Variants in SLMAP observed in about 807,000 individuals in gnomAD.
SLMAP encodes the protein sarcolemma associated protein, also known as sarcolemmal membrane-associated protein.
Under a neutral mutation model 128.8 loss-of-function variants are expected in SLMAP, and 44 were observed. The observed-to-expected ratio is 0.34, with a 90% CI of 0.27 to 0.44. The LOEUF (loss-of-function observed/expected upper bound fraction) is 0.44, where lower values mean the gene tolerates loss of function less well. Ranked by LOEUF, SLMAP falls within the 20% of genes least tolerant of loss-of-function variation. SLMAP has a pLI of 1.00. For missense variants in SLMAP, 787 were observed against 985.3 expected (o/e 0.80, Z 2.69); for synonymous variants, 327 against 348.8 (o/e 0.94, Z 0.70).
intron 2 of SLMAP, chr3:57,800,993 C>T (rs749398325): frequency 7.0e-6 from 2 of 285,816 alleles, no homozygotes; most frequent in Non-Finnish European, 1.4e-5. Flanking sequence ...TCCTTTAGCA[C>T]AACCTCCTCT....
intron 2 of SLMAP, among the ~76,000 whole-genome samples, chr3:57,820,992 A>G (rs1331381190): frequency 6.6e-6 from 1 of 152,218 alleles, no homozygotes; most frequent in Non-Finnish European, 1.5e-5. Flanking sequence ...CCAGAATTCA[A>G]CATAGGTGTC....
chr3:57,924,822 G>C (rs1231604950), intron 23 of SLMAP, among the ~76,000 whole-genome samples: 1 of 152,016 alleles, frequency 6.6e-6, no homozygotes, highest in African/African-American at 2.4e-5. Context: ...TTGTTAGAGG[G>C]ATAAAATAAC....
chr3:57,906,310 C>CTTTTTTTTCTTTTTT (rs2096550422), intron 17 of SLMAP, among the ~76,000 whole-genome samples: 1 of 47,048 alleles, frequency 2.1e-5, no homozygotes, highest in African/African-American at 7.1e-5. Flanking sequence ...CTTTTTTTTT[C>CTTTTTTTTCTTTTTT]TTTTTTTTTT....
intron 2 of SLMAP, among the ~76,000 whole-genome samples, chr3:57,767,239 G>C (rs1272685342): frequency 1.3e-5 from 2 of 152,070 alleles, no homozygotes; most frequent in Non-Finnish European, 2.9e-5. Flanking sequence ...TTCATTATGG[G>C]ACATAAACAA....
chr3:57,842,219 C>T (rs146554028), intron 4 of SLMAP, among the ~76,000 whole-genome samples: 11 of 152,276 alleles, frequency 7.2e-5, no homozygotes, highest in Admixed American at 3.9e-4. Context: ...CCATTACTGT[C>T]CGTGCTTTCA....
intron 2 of SLMAP, among the ~76,000 whole-genome samples, chr3:57,779,578 G>A (rs528246499): frequency 6.6e-6 from 1 of 151,446 alleles, no homozygotes; most frequent in South Asian, 2.1e-4. Flanking sequence ...TATCTGTTTT[G>A]CTATAAATAT....
At chr3:57,801,691 A>G (rs1447891671) in intron 2 of SLMAP, among the ~76,000 whole-genome samples, 1 of 151,232 alleles carries the variant, frequency 6.6e-6, no homozygotes, top group African/African-American at 2.4e-5. Context: ...CAGTATCTTA[A>G]TACCGTGATC....
intron 2 of SLMAP, among the ~76,000 whole-genome samples, chr3:57,776,522 C>CTTTTTTT (rs1553775402): frequency 2.2e-5 from 2 of 92,610 alleles, no homozygotes; most frequent in African/African-American, 4.7e-5. Flanking sequence ...CTCTCTCTCT[C>CTTTTTTT]TTTTTTTTTT....
At chr3:57,863,398 G>A (rs566018401) in intron 10 of SLMAP, among the ~76,000 whole-genome samples, 8 of 152,296 alleles carry the variant, frequency 5.3e-5, no homozygotes, top group Admixed American at 5.2e-4. Flanking sequence ...TACCTCCGTT[G>A]GTTAACCTAT....
chr3:57,916,923 T>C lies in SLMAP; in HGVS notation c.2156T>C (p.Leu719Ser). Residue 719 changes from leucine (L) to serine (S), a missense_variant, in exon 22 of 25, where the codon TTA becomes TCA. Leu to Ser is a moderately radical substitution (Grantham distance 145). Coordinates refer to ENST00000671191, the MANE Select transcript of SLMAP (RefSeq NM_001377540.1). ...KELHNSQKQS[L>S]ELTSDLSILQ... is the part of the protein sequence containing the mutation. ...TATTGCAGTTCTCAGAAGCAGAGTT[T>C]AGAGCTTACCAGTGATCTCAGCATC... 6.2e-7 allele frequency: 1 copy of C among 1,613,784 alleles called. No homozygotes were observed. Among genetic ancestry groups the C allele is most frequent in the Non-Finnish European group, 8.5e-7 (1 of 1,179,790 alleles).
chr3:57,785,910 A>G (rs902239769), intron 2 of SLMAP, among the ~76,000 whole-genome samples: 2 of 152,190 alleles, frequency 1.3e-5, no homozygotes, highest in Non-Finnish European at 2.9e-5. Flanking sequence ...AAATATAAGT[A>G]CCTTTATAGT....
At chr3:57,888,863 T>C (rs1471725203) in intron 14 of SLMAP, among the ~76,000 whole-genome samples, 3 of 152,082 alleles carry the variant, frequency 2.0e-5, no homozygotes, top group Non-Finnish European at 4.4e-5. Context: ...TTATACATCT[T>C]AATCAAAATC....
intron 14 of SLMAP, among the ~76,000 whole-genome samples, chr3:57,889,710 T>TAA (rs2096007479): frequency 6.6e-6 from 1 of 152,220 alleles, no homozygotes. Context: ...TACCTTTTCA[T>TAA]AAATCTTTTA....
At chr3:57,830,096 A>AC (rs2153544542) in intron 2 of SLMAP, among the ~76,000 whole-genome samples, 1 of 152,230 alleles carries the variant, frequency 6.6e-6, no homozygotes, top group African/African-American at 2.4e-5. Context: ...GTGCAGGGGC[A>AC]CGATCTTGGC....
At chr3:57,862,123 A>G in intron 10 of SLMAP, 37 bp downstream of exon 10, 3 of 1,503,778 alleles carry the variant, frequency 2.0e-6, no homozygotes, top group South Asian at 1.1e-5. Context: ...TGTTAAGCTA[A>G]TAATCCCTAA....
chr3:57,851,659 A>G (rs1405820185), intron 6 of SLMAP, among the ~76,000 whole-genome samples: 1 of 151,642 alleles, frequency 6.6e-6, no homozygotes, highest in Non-Finnish European at 1.5e-5. Flanking sequence ...TTTTTAATAG[A>G]GTAGAGTACA....
At chr3:57,865,654 G>A (rs1006343852) in intron 13 of SLMAP, among the ~76,000 whole-genome samples, 1 of 152,032 alleles carries the variant, frequency 6.6e-6, no homozygotes, top group African/African-American at 2.4e-5. Flanking sequence ...TAAAACATTC[G>A]AGTTTATTTA....
In SLMAP at chr3:57,860,791, G is replaced by A. The variant is rs2095013646; in HGVS notation, c.780G>A (p.Arg260=). The A allele has an allele frequency of 6.3e-7, 1 of 1,596,544 alleles. No homozygotes were observed. Among genetic ancestry groups the A allele is most frequent in the African/African-American group, 1.4e-5 (1 of 73,560 alleles). Residue 260 remains arginine, a synonymous_variant, in exon 9 of 25, where the codon CGG becomes CGA. Coordinates refer to ENST00000671191, the MANE Select transcript of SLMAP (RefSeq NM_001377540.1). ...YETTAKESLR[R]VLQEKIEVVR... ...CAACAGCCAAAGAGTCCCTGAGGCG[G>A]GTTCTTCAGGAGAAAATTGAAGTGG... is the stretch of plus-strand genomic sequence containing the variant.
At chr3:57,853,858 T>G (rs1162728289) in intron 6 of SLMAP, among the ~76,000 whole-genome samples, 1 of 148,170 alleles carries the variant, frequency 6.7e-6, no homozygotes, top group African/African-American at 2.5e-5. Flanking sequence ...GGAGAATGAC[T>G]TGGACCCAGG....
Sources: allele counts gnomAD v4.1 joint callset (sites outside exome capture counted in the v4.1 genomes callset), GRCh38; gene constraint gnomAD v4.1.1; transcripts MANE v1.5; gene names NCBI Gene and HGNC (gene_info 2026-07-23, HGNC 2026-07-21).